RELB: variants seen among roughly 807,000 people sequenced by gnomAD.
RELB encodes the protein RELB proto-oncogene, NF-kB subunit.
Under a neutral mutation model 55.4 loss-of-function variants are expected in RELB, and 14 were observed. The observed-to-expected ratio is 0.25, with a 90% confidence interval of 0.17 to 0.40. The LOEUF is 0.40. Ranked by LOEUF, RELB falls within the 10% of genes least tolerant of loss-of-function variation. RELB has a pLI of 1.00. For missense variants in RELB, 669 were observed against 830.7 expected (o/e 0.81, Z 2.39); for synonymous variants, 409 against 371.3 (o/e 1.10, Z -1.17).
chr19:45,021,201 C>T (rs963536479), intron 4 of RELB, among the ~76,000 whole-genome samples: 9 of 151,834 alleles, frequency 5.9e-5, no homozygotes, highest in Non-Finnish European at 8.8e-5. Flanking sequence ...AGGCCAGGCA[C>T]GGTGACTCAC....
chr19:45,016,812 G>A (rs530577624), intron 4 of RELB, among the ~76,000 whole-genome samples: 8 of 152,222 alleles, frequency 5.3e-5, no homozygotes, highest in South Asian at 2.1e-4. Flanking sequence ...AGCTGAGATC[G>A]TGCCATTGCA....
intron 11 of RELB, among the ~76,000 whole-genome samples, chr19:45,034,827 A>T (rs573939500): frequency 6.7e-4 from 99 of 148,844 alleles, no homozygotes; most frequent in African/African-American, 2.4e-3. Context: ...TTAAAATTTG[A>T]TCTATTTCTT....
intron 7 of RELB, among the ~76,000 whole-genome samples, chr19:45,026,894 G>T (rs1370891555): frequency 6.6e-6 from 1 of 152,134 alleles, no homozygotes; most frequent in Non-Finnish European, 1.5e-5. Flanking sequence ...GCATCAAAAT[G>T]GGATATTAAT....
intron 2 of RELB, among the ~76,000 whole-genome samples, chr19:45,007,802 G>A (rs1971299954): frequency 7.5e-6 from 1 of 134,198 alleles, no homozygotes; most frequent in African/African-American, 2.5e-5. Context: ...AGGTTGCAGT[G>A]AGCCAAGAAT....
At chr19:45,021,359 A>G (rs1247331826) in intron 4 of RELB, among the ~76,000 whole-genome samples, 1 of 150,880 alleles carries the variant, frequency 6.6e-6, no homozygotes, top group African/African-American at 2.4e-5. Flanking sequence ...TTGTAGTCTC[A>G]GCTACTCGGG....
chr19:45,008,347 C>G (rs116242736), intron 2 of RELB: 1 of 450,334 alleles, frequency 2.2e-6, no homozygotes, highest in Non-Finnish European at 4.5e-6. Context: ...AGGATTTGAA[C>G]AGAGGCAGTG....
chr19:45,015,993 T>G (rs1971416863), intron 4 of RELB, among the ~76,000 whole-genome samples: 1 of 151,670 alleles, frequency 6.6e-6, no homozygotes, highest in African/African-American at 2.4e-5. Flanking sequence ...ATATTTTATT[T>G]TATTTTATTA....
intron 4 of RELB, among the ~76,000 whole-genome samples, chr19:45,012,756 AAAG>A (rs1331538659): frequency 6.6e-6 from 1 of 151,180 alleles, no homozygotes; most frequent in African/African-American, 2.4e-5. Flanking sequence ...GAAAAAAAAA[AAAG>A]AAGGCAGATC....
At chr19:45,020,597 G>A (rs1167449655) in intron 4 of RELB, among the ~76,000 whole-genome samples, 25 of 120,466 alleles carry the variant, frequency 2.1e-4, no homozygotes, top group African/African-American at 6.6e-4. Context: ...TCGCTCTGTC[G>A]CCCAGGCTGG....
chr19:45,016,006 A>T (rs56394437), intron 4 of RELB, among the ~76,000 whole-genome samples: 49,565 of 149,744 alleles, frequency 0.33, 9,850 homozygotes, highest in Non-Finnish European at 0.45. Flanking sequence ...TTTTATTATT[A>T]TTTTTTTTTT....
At chr19:45,013,735 G>C (rs1245417724) in intron 4 of RELB, among the ~76,000 whole-genome samples, 1 of 151,982 alleles carries the variant, frequency 6.6e-6, no homozygotes, top group African/African-American at 2.4e-5. Flanking sequence ...GGGAGGCTGA[G>C]GCAGAAGAAT....
chr19:45,004,074 C>T (rs903673695), intron 2 of RELB, among the ~76,000 whole-genome samples: 1 of 151,448 alleles, frequency 6.6e-6, no homozygotes, highest in African/African-American at 2.4e-5. Flanking sequence ...AGGCACCCGC[C>T]ACCACAACCC....
Position 45,034,532 on chromosome 19 carries a change from G to A in RELB, c.1354+4G>A. ...TTCCTGCCCAACCACGGCTCAGGTG[G>A]GTCCCAGCTACACATAAGCCCCTGT... On this transcript the variant is annotated splice_donor_region_variant and intron_variant, in intron 11 of 11. Transcript: ENST00000221452. 1 of 1,594,428 alleles carries A rather than the reference G, an allele frequency of 6.3e-7. No individual in the cohort carries two copies. The highest frequency in any genetic ancestry group is 8.5e-7 in the Non-Finnish European group (1 of 1,170,824).
In RELB at chr19:45,008,200, A is replaced by G. The variant is rs554665538; in HGVS notation, c.155-1614A>G. On this transcript the variant is annotated intron_variant, in intron 2 of 11. Transcript: ENST00000221452. ...AATAAAAATAAATAAAATAAAATAA[A>G]ATAAAATATTAAATAAAAGTATCTT... 4.2e-4 allele frequency among the ~76,000 whole-genome samples: 64 copies of G among 151,900 alleles called. 1 individual carries two copies. The East Asian group carries it at 0.01, about 24-fold the overall frequency.
chr19:45,005,353 TTA>T (rs1403041110), intron 2 of RELB, among the ~76,000 whole-genome samples: 1 of 152,152 alleles, frequency 6.6e-6, no homozygotes, highest in Non-Finnish European at 1.5e-5. Context: ...CTCAACCAAA[TTA>T]TGACATTTTT....
Position 45,038,139 on chromosome 19 carries a change from T to A in RELB, c.*349T>A. 1 of 231,520 alleles carries A rather than the reference T, an allele frequency of 4.3e-6. No homozygotes were observed. Among genetic ancestry groups the A allele is most frequent in the Non-Finnish European group, 8.4e-6 (1 of 119,744 alleles). The allele number at this position is 231,520 out of a possible 1,614,324, so 14.3% of individuals were successfully genotyped here. A position where few individuals can be genotyped will look rare whatever the true frequency, so the allele number is the denominator to read the frequency against. On this transcript the variant is annotated 3_prime_UTR_variant, in exon 12 of 12. Coordinates refer to ENST00000221452, the MANE Select transcript of RELB (RefSeq NM_006509.4). ...GGCCCTCCCTCCCCAGACTTGAAGGTGGGGGGTAGGTTGGTTGTTCAGAGT... is the reference window on the plus strand; with the variant it reads ...GGCCCTCCCTCCCCAGACTTGAAGGAGGGGGGTAGGTTGGTTGTTCAGAGT...
At chr19:45,010,802 C>T (rs1024183130) in intron 3 of RELB, among the ~76,000 whole-genome samples, 4 of 151,814 alleles carry the variant, frequency 2.6e-5, no homozygotes, top group Admixed American at 1.3e-4. Context: ...CTCAGCCTCC[C>T]GAGTAGCTGG....
In RELB at chr19:45,001,556, C is replaced by T; in HGVS notation, c.-24C>T. ...CGATCGTCCACCAGACCGTGCCTCC[C>T]GGCCGCCCGGCCGGCCCGCGTGCAT... On this transcript the variant is annotated 5_prime_UTR_variant, in exon 1 of 12. Transcript: ENST00000221452. 1 of 1,395,112 alleles carries T rather than the reference C, an allele frequency of 7.2e-7. No homozygotes were observed. The highest frequency in any genetic ancestry group is 9.4e-7 in the Non-Finnish European group (1 of 1,064,528). The allele number at this position is 1,395,112 out of a possible 1,614,324, so 86.4% of individuals were successfully genotyped here. A position where few individuals can be genotyped will look rare whatever the true frequency, so the allele number is the denominator to read the frequency against.
In RELB at chr19:45,009,835, G is replaced by C. The variant is rs2071434870; in HGVS notation, c.163+13G>C. On this transcript the variant is annotated intron_variant, in intron 3 of 11. Coordinates refer to ENST00000221452, the MANE Select transcript of RELB (RefSeq NM_006509.4). ...ACAGATGAATTGGGTGAGTATCACA[G>C]GGCAGGTTTGCGGGGAGGCTGAGGG... 6.3e-7 allele frequency: 1 copy of C among 1,598,766 alleles called. No homozygotes were observed. Among genetic ancestry groups the C allele is most frequent in the African/African-American group, 1.3e-5 (1 of 74,836 alleles).
Sources: allele counts gnomAD v4.1 joint callset (sites outside exome capture counted in the v4.1 genomes callset), GRCh38; gene constraint gnomAD v4.1.1; transcripts MANE v1.5; gene names NCBI Gene and HGNC (gene_info 2026-07-23, HGNC 2026-07-21).